Variants in B3GNT9 observed in about 807,000 individuals in gnomAD.
The protein encoded by B3GNT9 is UDP-GlcNAc:betaGal beta-1,3-N-acetylglucosaminyltransferase 9.
For synonymous variants in B3GNT9, 359 were observed against 283.9 expected (o/e 1.26, Z -2.66); for missense variants, 669 against 599.2 (o/e 1.12, Z -1.22).
Position 67,149,401 on chromosome 16 carries a change from A to C in B3GNT9, c.1085T>G (p.Val362Gly). ...TFDPCFYREL[V>G]VVHGLSAADI... ...AGCGGCCGAGAGCCCGTGCACTACA[A>C]CCAGCTCACGGTAAAAGCAGGGGTC... is the stretch of plus-strand genomic sequence containing the variant. Residue 362 changes from valine to glycine, a missense_variant, in exon 2 of 2, where the codon GTT (valine) becomes GGT (glycine). By Grantham distance (109) the Val-to-Gly change is moderately radical. Coordinates refer to ENST00000449549, the MANE Select transcript of B3GNT9 (RefSeq NM_033309.3). The C allele has an allele frequency of 6.2e-7, 1 of 1,603,930 alleles. No homozygotes were observed. Among genetic ancestry groups the C allele is most frequent in the Non-Finnish European group, 8.5e-7 (1 of 1,175,276 alleles).
At position 67,149,295 on chromosome 16, in the gene B3GNT9, G is replaced by A. The variant is rs1432833457; in HGVS notation, c.1191C>T (p.Pro397=). The change falls in exon 2 of 2, where the codon CCC becomes CCT. Residue 397 remains proline (P), a synonymous_variant. Transcript: ENST00000449549. ...TGGGGAGCTAGGAGTCCCATTGGAA[G>A]GGGCCTGCAGCGACAGGCTGTGGAT... ...CAHPQPVAAG[P]FQWDS 1.9e-6 allele frequency: 3 copies of A among 1,544,732 alleles called. No individual in the cohort carries two copies. The highest frequency in any genetic ancestry group is 8.7e-7 in the Non-Finnish European group (1 of 1,145,092).
chr16:67,150,234 G>A lies in B3GNT9; in HGVS notation c.252C>T (p.Phe84=). 19 of 1,546,230 alleles carry A rather than the reference G, an allele frequency of 1.2e-5. No homozygotes were observed. The highest frequency in any genetic ancestry group is 1.7e-5 in the Non-Finnish European group (19 of 1,147,514). ...GGTCCTTGGCGCGCAAATAGCGGGC[G>A]AAGTCAAAGGGTCCCGTAGGCGTGG... ...APPTPTGPFD[F]ARYLRAKDQR... Residue 84 remains phenylalanine, a synonymous_variant, in exon 2 of 2, where the codon TTC becomes TTT. Transcript: ENST00000449549.
rs1204296868 is a variant in B3GNT9, at chr16:67,149,123, G to C, written c.*154C>G. ...CACGGGTTTCAACTGGTTCCAGCAG[G>C]GTGGACCGCCAGGAGCCAAGCTTAA... On this transcript the variant is annotated 3_prime_UTR_variant, in exon 2 of 2. Transcript: ENST00000449549. 70 of 1,397,232 alleles carry C rather than the reference G, an allele frequency of 5.0e-5. No homozygotes were observed. In the East Asian group the frequency reaches 1.8e-3, roughly 36 times the overall value. 86.6% of individuals were successfully genotyped at this position (1,397,232 alleles called of 1,614,324 possible). A position where few individuals can be genotyped will look rare whatever the true frequency, so the allele number is the denominator to read the frequency against.
In B3GNT9 at chr16:67,150,239, C is replaced by G. The variant is rs774504448; in HGVS notation, c.247G>C (p.Asp83His). ...TTGGCGCGCAAATAGCGGGCGAAGT[C>G]AAAGGGTCCCGTAGGCGTGGGCGGC... is the stretch of plus-strand genomic sequence containing the variant. ...PAPPTPTGPF[D>H]FARYLRAKDQ... The change falls in exon 2 of 2, where the codon GAC (aspartate) becomes CAC (histidine). Residue 83 changes from aspartate to histidine, a missense_variant. Transcript: ENST00000449549. 4 of 1,542,592 alleles carry G rather than the reference C, an allele frequency of 2.6e-6. No homozygotes were observed. Among genetic ancestry groups the G allele is most frequent in the Non-Finnish European group, 2.6e-6 (3 of 1,145,546 alleles).
At position 67,149,941 on chromosome 16, in the gene B3GNT9, A is replaced by G. The variant is rs757040822; in HGVS notation, c.545T>C (p.Leu182Pro). The G allele has an allele frequency of 4.4e-6, 7 of 1,582,016 alleles. No homozygotes were observed. Among genetic ancestry groups the G allele is most frequent in the African/African-American group, 2.7e-5 (2 of 74,018 alleles). The change falls in exon 2 of 2, where the codon CTG (leucine) becomes CCG (proline). Residue 182 changes from leucine to proline, a missense_variant. By Grantham distance (98) the Leu-to-Pro change is moderately conservative. Coordinates refer to ENST00000449549, the MANE Select transcript of B3GNT9 (RefSeq NM_033309.3). ...EGARTHWRAL[L>P]RAESLAYADI... ...CGCATACGCAAGGCTCTCGGCCCGCAGCAGGGCGCGCCAGTGGGTTCGCGC... is the reference window on the plus strand; with the variant it reads ...CGCATACGCAAGGCTCTCGGCCCGCGGCAGGGCGCGCCAGTGGGTTCGCGC...
Position 67,149,580 on chromosome 16 carries a change from C to T in B3GNT9, c.906G>A (p.Leu302=). 1.2e-6 allele frequency: 2 copies of T among 1,603,020 alleles called. No individual in the cohort carries two copies. Among genetic ancestry groups the T allele is most frequent in the Non-Finnish European group, 8.5e-7 (1 of 1,175,162 alleles). The stretch of plus-strand genomic sequence containing the variant: ...GCTCGACCTGCGCACAGGCGCCAGC[C>T]AGGCGGTGCAGCGTGGCCCCGGAAA... The part of the protein sequence containing the change: ...FVLSGATLHR[L]AGACAQVELF... The change falls in exon 2 of 2, where the codon CTG becomes CTA. Residue 302 remains leucine, a synonymous_variant. Coordinates refer to ENST00000449549, the MANE Select transcript of B3GNT9 (RefSeq NM_033309.3).
At position 67,150,363 on chromosome 16, in the gene B3GNT9, C is replaced by G; in HGVS notation, c.123G>C (p.Gly41=). 1 of 1,349,802 alleles carries G rather than the reference C, an allele frequency of 7.4e-7. No individual in the cohort carries two copies. Among genetic ancestry groups the G allele is most frequent in the Non-Finnish European group, 9.5e-7 (1 of 1,051,650 alleles). 83.6% of individuals were successfully genotyped at this position (1,349,802 alleles called of 1,614,324 possible). A position where few individuals can be genotyped will look rare whatever the true frequency, so the allele number is the denominator to read the frequency against. The part of the protein sequence containing the change: ...GAAPTASAPR[G]RGRAAPRPTP... ...TGGGCCTCGGTGCCGCCCTCCCTCGCCCTCGCGGCGCGCTCGCCGTCGGGG... is the reference window on the plus strand; with the variant it reads ...TGGGCCTCGGTGCCGCCCTCCCTCGGCCTCGCGGCGCGCTCGCCGTCGGGG... Residue 41 remains glycine (G), a synonymous_variant, in exon 2 of 2, where the codon GGG becomes GGC. Transcript: ENST00000449549.
rs1156723861 is a variant in B3GNT9, at chr16:67,148,774, C to G, written c.*503G>C. ...CCCTGGTGCTCAGCCACACCTGGGC[C>G]CAGGAGAGGTTGTGGGAAGCATAAT... On this transcript the variant is annotated 3_prime_UTR_variant, in exon 2 of 2. Coordinates refer to ENST00000449549, the MANE Select transcript of B3GNT9 (RefSeq NM_033309.3). The G allele has an allele frequency of 6.5e-6, 1 of 152,718 alleles. No individual in the cohort carries two copies. Among genetic ancestry groups the G allele is most frequent in the Non-Finnish European group, 1.5e-5 (1 of 68,490 alleles). The allele number at this position is 152,718 out of a possible 1,614,324, so 9.5% of individuals were successfully genotyped here.
Sources: allele counts gnomAD v4.1 joint callset, GRCh38; gene constraint gnomAD v4.1.1; transcripts MANE v1.5; gene names NCBI Gene and HGNC (gene_info 2026-07-23, HGNC 2026-07-21).